Variants in G3BP2 observed in about 807,000 individuals in gnomAD.
The protein encoded by G3BP2 is ras GTPase-activating protein-binding protein 2.
A neutral mutation model predicts 56.7 loss-of-function variants in G3BP2; 11 were observed. The ratio of observed to expected loss-of-function variants is 0.19; its 90% CI spans 0.12 to 0.32. The LOEUF is 0.32. Ranked by LOEUF, G3BP2 falls within the 10% of genes least tolerant of loss-of-function variation. G3BP2 has a pLI of 1.00. For synonymous variants in G3BP2, 165 were observed against 191.6 expected, an observed-to-expected ratio of 0.86 and a Z score of 1.15; for missense variants, 340 against 610.9, an observed-to-expected ratio of 0.56 and a Z score of 4.67.
chr4:75,648,822 T>A, intron 8 of G3BP2, 81 bp from the exon 9 acceptor site: 1 of 736,554 alleles, frequency 1.4e-6, no homozygotes, highest in Non-Finnish European at 2.4e-6. Flanking sequence ...GACAAGTCAC[T>A]AGCAGACATA....
At chr4:75,694,353 G>A (rs1719007780) in intron 3 of G3BP2, among the ~76,000 whole-genome samples, 1 of 152,230 alleles carries the variant, frequency 6.6e-6, no homozygotes, top group Non-Finnish European at 1.5e-5. Context: ...TGGAATCCCA[G>A]CACTTTGGGA....
Position 75,673,176 on chromosome 4 carries a change from C to G in G3BP2, c.-25+32G>C, listed in dbSNP as rs529742234. 1.1e-5 allele frequency: 13 copies of G among 1,182,018 alleles called. No individual in the cohort carries two copies. In the African/African-American group the frequency reaches 1.9e-4, roughly 17 times the overall value. The allele number at this position is 1,182,018 out of a possible 1,614,324, so 73.2% of individuals were successfully genotyped here. A position where few individuals can be genotyped will look rare whatever the true frequency, so the allele number is the denominator to read the frequency against. ...ATGGAATGTCCCTTTCCGACCACCA[C>G]ACCGACCTCCCCTCCCGGCGCCCGT... On this transcript the variant is annotated intron_variant, in intron 1 of 11. Coordinates refer to ENST00000359707, the MANE Select transcript of G3BP2 (RefSeq NM_203505.3).
intron 1 of G3BP2, among the ~76,000 whole-genome samples, chr4:75,722,881 A>T (rs879742095): frequency 6.6e-5 from 10 of 152,218 alleles, no homozygotes; most frequent in Non-Finnish European, 1.2e-4. Flanking sequence ...ATATTCATAT[A>T]TTCTTTCAAT....
chr4:75,695,026 G>A, intron 3 of G3BP2: 1 of 664,384 alleles, frequency 1.5e-6, no homozygotes, highest in Non-Finnish European at 1.9e-6. Context: ...TCAAGAGCCA[G>A]TATCCAGAAG....
At chr4:75,694,291 A>G (rs1577880996) in intron 3 of G3BP2, among the ~76,000 whole-genome samples, 1 of 152,184 alleles carries the variant, frequency 6.6e-6, no homozygotes, top group African/African-American at 2.4e-5. Context: ...CAACAACATG[A>G]TCAGGACGAG....
At chr4:75,691,489 G>A (rs1296748421) in intron 3 of G3BP2, among the ~76,000 whole-genome samples, 1 of 152,204 alleles carries the variant, frequency 6.6e-6, no homozygotes, top group African/African-American at 2.4e-5. Flanking sequence ...GATTACAGGC[G>A]TGAGCCACTG....
At chr4:75,666,028 T>C (rs757201945) in intron 1 of G3BP2, among the ~76,000 whole-genome samples, 2 of 152,222 alleles carry the variant, frequency 1.3e-5, no homozygotes, top group African/African-American at 2.4e-5. Context: ...GAGTACATAC[T>C]GATCTATCAT....
At chr4:75,650,904 G>A (rs1731649962) in intron 8 of G3BP2, among the ~76,000 whole-genome samples, 1 of 152,110 alleles carries the variant, frequency 6.6e-6, no homozygotes, top group African/African-American at 2.4e-5. Context: ...AAAGAACCAA[G>A]CACAGTGCTA....
intron 3 of G3BP2, among the ~76,000 whole-genome samples, chr4:75,690,475 A>G (rs1212359862): frequency 6.6e-6 from 1 of 152,084 alleles, no homozygotes; most frequent in Non-Finnish European, 1.5e-5. Flanking sequence ...ATTAGAGTCC[A>G]GAATAGGAAA....
chr4:75,664,973 A>G (rs1284995444), intron 1 of G3BP2, among the ~76,000 whole-genome samples: 1 of 152,208 alleles, frequency 6.6e-6, no homozygotes, highest in African/African-American at 2.4e-5. Flanking sequence ...CCTGGCCAAC[A>G]GAGAGACCCC....
At chr4:75,689,512 T>C (rs1291740618) in intron 3 of G3BP2, among the ~76,000 whole-genome samples, 2 of 152,274 alleles carry the variant, frequency 1.3e-5, no homozygotes, top group Non-Finnish European at 2.9e-5. Flanking sequence ...ATTTTGAATT[T>C]AATACTGCTA....
chr4:75,692,187 G>C (rs1718885509), intron 3 of G3BP2, among the ~76,000 whole-genome samples: 1 of 152,152 alleles, frequency 6.6e-6, no homozygotes, highest in African/African-American at 2.4e-5. Context: ...TGTGCCTAGT[G>C]CTTGCTCTCT....
At chr4:75,691,168 C>T (rs1276482107) in intron 3 of G3BP2, among the ~76,000 whole-genome samples, 1 of 152,030 alleles carries the variant, frequency 6.6e-6, no homozygotes, top group African/African-American at 2.4e-5. Flanking sequence ...CAACCTGTGC[C>T]TCCCAGGTTC....
Position 75,643,561 on chromosome 4 carries a change from T to C in G3BP2, c.*1869A>G, listed in dbSNP as rs564667946. On this transcript the variant is annotated 3_prime_UTR_variant, in exon 12 of 12. Transcript: ENST00000359707. ...CAAAATATATGCAATAGTGCAAGAC[T>C]TTCCCTCAAACATGGAAGACCTCAT... is the stretch of plus-strand genomic sequence containing the variant. 1 of 151,858 alleles carries C rather than the reference T, an allele frequency of 6.6e-6. No homozygotes were observed. The highest frequency in any genetic ancestry group is 1.5e-5 in the Non-Finnish European group (1 of 67,912). The allele number at this position is 151,858 out of a possible 1,614,324, so 9.4% of individuals were successfully genotyped here. A position where few individuals can be genotyped will look rare whatever the true frequency, so the allele number is the denominator to read the frequency against.
At chr4:75,656,175 G>C (rs1252194954) in intron 5 of G3BP2, among the ~76,000 whole-genome samples, 1 of 151,334 alleles carries the variant, frequency 6.6e-6, no homozygotes, top group African/African-American at 2.4e-5. Context: ...TTTTTAAGTA[G>C]AGATGGGGTT....
chr4:75,686,552 A>AAGGGTGGGTGGCGG lies in G3BP2; in HGVS notation c.-24-24517_-24-24504dup, dbSNP rs1263972953. Among the ~76,000 whole-genome samples, 3 of 3,440 alleles carry AAGGGTGGGTGGCGG rather than the reference A, an allele frequency of 8.7e-4. No individual in the cohort carries two copies. The East Asian group carries it at 0.021, about 24-fold the overall frequency. The allele number at this position is 3,440 out of a possible 152,430, so 2.3% of individuals were successfully genotyped here. A position where few individuals can be genotyped will look rare whatever the true frequency, so the allele number is the denominator to read the frequency against. The stretch of plus-strand genomic sequence containing the variant: ...CCTGGCAGAAGGAACAGCAAGAGCA[A>AAGGGTGGGTGGCGG]AGGGTGGGTGGCGGGGGGTGGGGGT... On this transcript the variant is annotated intron_variant, in intron 3 of 3. Transcript: ENST00000499709.
intron 1 of G3BP2, among the ~76,000 whole-genome samples, chr4:75,672,197 C>A (rs1309899518): frequency 1.3e-5 from 2 of 152,122 alleles, no homozygotes; most frequent in Non-Finnish European, 2.9e-5. Flanking sequence ...AAGGCACTCT[C>A]CTCCCACCCC....
intron 2 of G3BP2, among the ~76,000 whole-genome samples, chr4:75,721,100 C>T (rs1207917022): frequency 2.0e-5 from 3 of 151,940 alleles, no homozygotes; most frequent in Non-Finnish European, 4.4e-5. Context: ...GCCACCACGC[C>T]GAGCTAATTT....
At chr4:75,673,624 A>AT (rs1733704909), upstream of G3BP2, 1 of 1,230,688 alleles carries the variant, frequency 8.1e-7, no homozygotes, top group Admixed American at 4.2e-5. Flanking sequence ...TAAAGCCAAG[A>AT]TAAGAGTCCG....
Sources: allele counts gnomAD v4.1 joint callset (sites outside exome capture counted in the v4.1 genomes callset), GRCh38; gene constraint gnomAD v4.1.1; transcripts MANE v1.5; gene names NCBI Gene and HGNC (gene_info 2026-07-23, HGNC 2026-07-21).